The following IGSF21 variants were observed in gnomAD, a reference collection of about 807,000 sequenced individuals.
IGSF21 encodes immunoglobulin superfamily member 21.
A neutral mutation model predicts 46.8 loss-of-function variants in IGSF21; 28 were observed. The ratio of observed to expected loss-of-function variants is 0.60; its 90% CI spans 0.44 to 0.82. The LOEUF (loss-of-function observed/expected upper bound fraction) is 0.82, where lower values mean the gene tolerates loss of function less well. Ranked by LOEUF, IGSF21 falls within the 40% of genes least tolerant of loss-of-function variation. IGSF21 has a pLI of 0.00. For synonymous variants in IGSF21, 284 were observed against 273.6 expected (o/e 1.04, Z -0.38); for missense variants, 624 against 665.5 (o/e 0.94, Z 0.69).
chr1:18,126,804 C>T (rs540851291), intron 1 of IGSF21, among the ~76,000 whole-genome samples: 5 of 152,206 alleles, frequency 3.3e-5, no homozygotes, highest in South Asian at 2.1e-4. Context: ...GAGGCTTCCT[C>T]CCCCCACACC....
chr1:18,300,270 C>G lies in IGSF21; in HGVS notation c.305+8283C>G, dbSNP rs528482498. Among the ~76,000 whole-genome samples the G allele has an allele frequency of 3.3e-5, 5 of 152,138 alleles. No individual in the cohort carries two copies. The South Asian group carries it at 1.0e-3, about 32-fold the overall frequency. On this transcript the variant is annotated intron_variant, in intron 3 of 9. Coordinates refer to ENST00000251296, the MANE Select transcript of IGSF21 (RefSeq NM_032880.5). ...ACCTGGAATTCATTTGCTAAAAAGT[C>G]TTCCAGGTTAAGATATGGGCAGTGA...
At chr1:18,331,470 G>A (rs1409463983) in intron 3 of IGSF21, among the ~76,000 whole-genome samples, 6 of 152,112 alleles carry the variant, frequency 3.9e-5, no homozygotes, top group Non-Finnish European at 5.9e-5. Context: ...AGTATTCCAC[G>A]GTATAGATAT....
At chr1:18,276,613 C>A (rs2085105375) in intron 2 of IGSF21, among the ~76,000 whole-genome samples, 1 of 152,214 alleles carries the variant, frequency 6.6e-6, no homozygotes, top group African/African-American at 2.4e-5. Context: ...TGCCATCTTT[C>A]ATCTACCACA....
intron 1 of IGSF21, among the ~76,000 whole-genome samples, chr1:18,200,390 G>A (rs2087059299): frequency 6.6e-6 from 1 of 152,130 alleles, no homozygotes; most frequent in Admixed American, 6.5e-5. Flanking sequence ...CACACTTCTG[G>A]AGGCTAGAAG....
intron 4 of IGSF21, among the ~76,000 whole-genome samples, chr1:18,340,016 T>G (rs1226846621): frequency 3.3e-5 from 5 of 152,174 alleles, no homozygotes; most frequent in Non-Finnish European, 7.4e-5. Context: ...TAGTATTGAG[T>G]TTCCTTTCTG....
intron 4 of IGSF21, among the ~76,000 whole-genome samples, chr1:18,360,434 G>A (rs1023825607): frequency 6.6e-5 from 10 of 152,138 alleles, no homozygotes; most frequent in African/African-American, 2.2e-4. Context: ...TGTGTCTGTC[G>A]CCCCCACCTG....
chr1:18,285,408 A>G (rs2085203360), intron 2 of IGSF21, among the ~76,000 whole-genome samples: 1 of 152,090 alleles, frequency 6.6e-6, no homozygotes. Flanking sequence ...GTCAGGGGGC[A>G]GTCAGGGCCC....
At chr1:18,132,918 G>T (rs1044435359) in intron 1 of IGSF21, among the ~76,000 whole-genome samples, 1 of 145,430 alleles carries the variant, frequency 6.9e-6, no homozygotes. Context: ...TGGAGGGAGT[G>T]GGGGAGGGAG....
intron 2 of IGSF21, 29 bp downstream of exon 2, chr1:18,228,039 C>T (rs114303605): frequency 0.023 from 35,630 of 1,544,160 alleles, 497 homozygotes; most frequent in Middle Eastern, 0.059. Flanking sequence ...CCCCTTCATG[C>T]CCATGGCCAG....
At chr1:18,267,516 G>A (rs575265246) in intron 2 of IGSF21, among the ~76,000 whole-genome samples, 5 of 152,274 alleles carry the variant, frequency 3.3e-5, no homozygotes, top group Admixed American at 2.0e-4. Context: ...CAGCCACTAT[G>A]GAAAAAGACA....
chr1:18,360,159 T>C (rs2086084112), intron 4 of IGSF21, among the ~76,000 whole-genome samples: 1 of 152,196 alleles, frequency 6.6e-6, no homozygotes, highest in African/African-American at 2.4e-5. Context: ...AGGTTTTCGG[T>C]TGAGTTTTGG....
At chr1:18,253,279 T>C (rs923215228) in intron 2 of IGSF21, among the ~76,000 whole-genome samples, 1 of 152,214 alleles carries the variant, frequency 6.6e-6, no homozygotes, top group Non-Finnish European at 1.5e-5. Context: ...AAACCCAAAC[T>C]TTCCTGAGTC....
chr1:18,121,551 C>T (rs975163473), intron 1 of IGSF21, among the ~76,000 whole-genome samples: 84 of 152,248 alleles, frequency 5.5e-4, no homozygotes, highest in African/African-American at 1.9e-3. Flanking sequence ...TGACAAATAC[C>T]AGTGGCAATT....
At chr1:18,218,174 C>T (rs924014860) in intron 1 of IGSF21, among the ~76,000 whole-genome samples, 12 of 152,172 alleles carry the variant, frequency 7.9e-5, no homozygotes, top group African/African-American at 2.7e-4. Context: ...GGGAAACTTA[C>T]AATCATAGCA....
Position 18,312,877 on chromosome 1 carries a change from A to C in IGSF21, c.305+20890A>C, listed in dbSNP as rs568350864. Among the ~76,000 whole-genome samples, 6 of 152,170 alleles carry C rather than the reference A, an allele frequency of 3.9e-5. No individual in the cohort carries two copies. In the East Asian group the frequency reaches 1.2e-3, roughly 29 times the overall value. On this transcript the variant is annotated intron_variant, in intron 3 of 9. Transcript: ENST00000251296. Reference sequence around the variant, plus strand: ...AGCTGTGGTTATCACTGTGACAATCACTCACCATGTCCAAGTTTGCTTCCT... The same window carrying C: ...AGCTGTGGTTATCACTGTGACAATCCCTCACCATGTCCAAGTTTGCTTCCT...
chr1:18,213,321 T>C (rs2084411073), intron 1 of IGSF21, among the ~76,000 whole-genome samples: 1 of 152,212 alleles, frequency 6.6e-6, no homozygotes, highest in South Asian at 2.1e-4. Context: ...CAAACCAAAT[T>C]TCAGCAGCTT....
rs1557650288 is a variant in IGSF21, at chr1:18,337,960, G to A, written c.424+2950G>A. On this transcript the variant is annotated intron_variant, in intron 4 of 9. Coordinates refer to ENST00000251296, the MANE Select transcript of IGSF21 (RefSeq NM_032880.5). The surrounding 1 kb of genome is among the most constrained non-coding windows in gnomAD (Gnocchi z 5.7). ...AGCGTGGCTTCTGTAGCTCACCAAG[G>A]TCCTGAATGGTGAGGGGAGGGCCGG... Among the ~76,000 whole-genome samples, 1 of 152,120 alleles carries A rather than the reference G, an allele frequency of 6.6e-6. No individual in the cohort carries two copies. The highest frequency in any genetic ancestry group is 1.5e-5 in the Non-Finnish European group (1 of 68,016).
At chr1:18,180,650 A>G (rs1455006657) in intron 1 of IGSF21, among the ~76,000 whole-genome samples, 1 of 152,228 alleles carries the variant, frequency 6.6e-6, no homozygotes, top group Non-Finnish European at 1.5e-5. Flanking sequence ...TGTCTGCACC[A>G]GAGCCTTCTA....
chr1:18,363,112 T>C (rs2086119839), intron 5 of IGSF21, among the ~76,000 whole-genome samples: 1 of 152,224 alleles, frequency 6.6e-6, no homozygotes, highest in Non-Finnish European at 1.5e-5. Flanking sequence ...GAAGCACCTC[T>C]GTAGAACCCG....
Sources: gnomAD v4.1 joint callset for allele counts (sites outside exome capture counted in the v4.1 genomes callset) on GRCh38, gnomAD v4.1.1 for gene constraint, Gnocchi (gnomAD v3.1) non-coding constraint, MANE v1.5 for transcripts, NCBI Gene and HGNC (gene_info 2026-07-23, HGNC 2026-07-21) for gene names.